Variants in ARHGAP6 observed in about 807,000 individuals in gnomAD.
ARHGAP6 encodes the protein rho GTPase-activating protein 6.
In ARHGAP6, 16 loss-of-function variants were observed where a neutral mutation model predicts 55.7. That is an observed-to-expected ratio of 0.29 (90% CI 0.19 to 0.44). The LOEUF (loss-of-function observed/expected upper bound fraction) is 0.44. Ranked by LOEUF, ARHGAP6 falls within the 20% of genes least tolerant of loss-of-function variation. The pLI is 1.00. For missense variants in ARHGAP6, 698 were observed against 808.9 expected, an observed-to-expected ratio of 0.86 and a Z score of 1.66; for synonymous variants, 382 against 360.9, an observed-to-expected ratio of 1.06 and a Z score of -0.66.
Position 11,289,261 on chromosome X carries a change from TC to T in ARHGAP6, c.589-34555del, listed in dbSNP as rs760347332. On this transcript the variant is annotated intron_variant, in intron 1 of 12. Transcript: ENST00000337414. ...CTTGGATTTTATGTTGAACCTTTTT[TC>T]CCCCTAAGAATGAACATTGGATATA... Among the ~76,000 whole-genome samples, 3 of 111,421 alleles carry T rather than the reference TC, an allele frequency of 2.7e-5. No individual in the cohort carries two copies. In the East Asian group the frequency reaches 8.5e-4, roughly 31 times the overall value.
At chrX:11,622,377 TA>T (rs1347890065) in intron 1 of ARHGAP6, among the ~76,000 whole-genome samples, 1 of 112,101 alleles carries the variant, frequency 8.9e-6, no homozygotes, top group African/African-American at 3.2e-5. Context: ...AAGAGATGAA[TA>T]ATAAATTTGG....
chrX:11,338,446 T>C (rs2048666225), intron 1 of ARHGAP6, among the ~76,000 whole-genome samples: 1 of 111,747 alleles, frequency 8.9e-6, no homozygotes, highest in African/African-American at 3.3e-5. Context: ...TGCATGCATA[T>C]ACTACCCCAT....
intron 2 of ARHGAP6, among the ~76,000 whole-genome samples, chrX:11,242,112 T>C (rs2047290282): frequency 8.9e-6 from 1 of 112,122 alleles, no homozygotes; most frequent in African/African-American, 3.2e-5. Flanking sequence ...GCAGGGTGAT[T>C]AGTTCTAAAA....
intron 2 of ARHGAP6, among the ~76,000 whole-genome samples, chrX:11,221,972 A>G (rs752315886): frequency 6.3e-5 from 7 of 110,710 alleles, no homozygotes; most frequent in Admixed American, 9.7e-5. Flanking sequence ...TGAGTTTTTC[A>G]TGTTCCTAAT....
At chrX:11,294,595 T>A (rs974561798) in intron 1 of ARHGAP6, among the ~76,000 whole-genome samples, 1 of 112,248 alleles carries the variant, frequency 8.9e-6, no homozygotes, top group Admixed American at 9.5e-5. Context: ...CTACTGTGAC[T>A]CCAGAAACAA....
intron 1 of ARHGAP6, among the ~76,000 whole-genome samples, chrX:11,441,229 T>A (rs978481964): frequency 9.9e-5 from 11 of 111,332 alleles, no homozygotes; most frequent in African/African-American, 3.6e-4. Context: ...AACACATTAG[T>A]CTATGTAGAG....
chrX:11,270,914 G>A (rs1250050524), intron 1 of ARHGAP6, among the ~76,000 whole-genome samples: 2 of 111,890 alleles, frequency 1.8e-5, no homozygotes, highest in African/African-American at 6.5e-5. Context: ...GTGCCCAGGA[G>A]GGTTGACCTA....
At chrX:11,296,549 C>T (rs1300755814) in intron 1 of ARHGAP6, among the ~76,000 whole-genome samples, 1 of 112,090 alleles carries the variant, frequency 8.9e-6, no homozygotes, top group Non-Finnish European at 1.9e-5. Flanking sequence ...AGTCATTTAG[C>T]TGTTCTGAAC....
chrX:11,399,689 T>G (rs2049524100), intron 1 of ARHGAP6, among the ~76,000 whole-genome samples: 1 of 112,211 alleles, frequency 8.9e-6, no homozygotes, highest in Non-Finnish European at 1.9e-5. Flanking sequence ...AGTTTAAACA[T>G]AGAGCTACTA....
At chrX:11,177,374 G>GC (rs369929394) in intron 8 of ARHGAP6, among the ~76,000 whole-genome samples, 2 of 103,491 alleles carry the variant, frequency 1.9e-5, no homozygotes, top group African/African-American at 7.0e-5. Flanking sequence ...GGTGGGCGGG[G>GC]GGGGGGCACA....
In ARHGAP6 at chrX:11,567,480, G is replaced by A. The variant is rs933706610; in HGVS notation, c.588+96761C>T. On this transcript the variant is annotated intron_variant, in intron 1 of 12. Transcript: ENST00000337414. ...GAGGCAGGAGAATGGCATGAACCTG[G>A]GAGGTGGAGCTTGCAGTGAGCCGAG... 2.7e-4 allele frequency among the ~76,000 whole-genome samples: 28 copies of A among 104,714 alleles called. 1 individual carries two copies. The highest frequency in any genetic ancestry group is 4.7e-4 in the Non-Finnish European group (24 of 51,003). 90.9% of individuals were successfully genotyped at this position (104,714 alleles called of 115,157 possible). A position where few individuals can be genotyped will look rare whatever the true frequency, so the allele number is the denominator to read the frequency against.
At chrX:11,578,815 T>C (rs1376706475) in intron 1 of ARHGAP6, among the ~76,000 whole-genome samples, 1 of 111,013 alleles carries the variant, frequency 9.0e-6, no homozygotes, top group East Asian at 2.8e-4. Flanking sequence ...ATTAAGAAAA[T>C]GTGGCACATA....
At chrX:11,558,254 G>T (rs961272264) in intron 1 of ARHGAP6, among the ~76,000 whole-genome samples, 1 of 111,617 alleles carries the variant, frequency 9.0e-6, no homozygotes, top group African/African-American at 3.3e-5. Flanking sequence ...CTTCATCGTT[G>T]ACTGGAAAGC....
Position 11,488,212 on chromosome X carries a change from T to C in ARHGAP6, c.588+176029A>G, listed in dbSNP as rs1307268865. Among the ~76,000 whole-genome samples the C allele has an allele frequency of 2.7e-5, 3 of 111,797 alleles. No individual in the cohort carries two copies. In the East Asian group the frequency reaches 8.5e-4, roughly 32 times the overall value. ...ATACAAAGGAGATTACTTAGACAATTAGTTAAACTTGTTAGAGCATAGGGA... is the reference window on the plus strand; with the variant it reads ...ATACAAAGGAGATTACTTAGACAATCAGTTAAACTTGTTAGAGCATAGGGA... On this transcript the variant is annotated intron_variant, in intron 1 of 12. Transcript: ENST00000337414.
At chrX:11,601,755 C>G (rs757170875) in intron 1 of ARHGAP6, among the ~76,000 whole-genome samples, 8 of 111,685 alleles carry the variant, frequency 7.2e-5, no homozygotes, top group African/African-American at 2.6e-4. Flanking sequence ...AGTAAGAAGT[C>G]CTTTCCTTCT....
chrX:11,541,526 A>G (rs1569389721), intron 1 of ARHGAP6, among the ~76,000 whole-genome samples: 1 of 112,106 alleles, frequency 8.9e-6, no homozygotes, highest in African/African-American at 3.2e-5. Context: ...TCCCTTCAGG[A>G]TCAGCAAGGC....
At chrX:11,393,093 T>C (rs1432387591) in intron 1 of ARHGAP6, among the ~76,000 whole-genome samples, 1 of 111,771 alleles carries the variant, frequency 8.9e-6, no homozygotes, top group Non-Finnish European at 1.9e-5. Flanking sequence ...TTTTCTTATT[T>C]AAAGAAAATG....
At chrX:11,387,272 G>T (rs186492858) in intron 1 of ARHGAP6, among the ~76,000 whole-genome samples, 12 of 111,623 alleles carry the variant, frequency 1.1e-4, no homozygotes, top group Middle Eastern at 4.6e-3. Flanking sequence ...CACCACCCTC[G>T]ACCACTGAGC....
intron 1 of ARHGAP6, among the ~76,000 whole-genome samples, chrX:11,328,026 A>G (rs780084854): frequency 2.7e-5 from 3 of 112,372 alleles, no homozygotes; most frequent in Non-Finnish European, 1.9e-5. Flanking sequence ...CTTCTCTGAC[A>G]TGCATTAATA....
Sources: gnomAD v4.1 joint callset for allele counts (sites outside exome capture counted in the v4.1 genomes callset) on GRCh38, gnomAD v4.1.1 for gene constraint, MANE v1.5 for transcripts, NCBI Gene and HGNC (gene_info 2026-07-23, HGNC 2026-07-21) for gene names.